Variants in CCDC73 observed in about 807,000 individuals in gnomAD.
CCDC73 encodes coiled-coil domain-containing protein 73.
CCDC73 carries 95 observed loss-of-function variants against 116.5 expected under a neutral mutation model. The observed-to-expected ratio is 0.82, with a 90% confidence interval of 0.69 to 0.97. The LOEUF (loss-of-function observed/expected upper bound fraction) is 0.97, where lower values mean the gene tolerates loss of function less well. CCDC73 is among the 50% of genes least tolerant of loss of function. The pLI is 0.00. For synonymous variants in CCDC73, 398 were observed against 401.3 expected, an observed-to-expected ratio of 0.99 and a Z score of 0.10; for missense variants, 1,066 against 1,206.8, an observed-to-expected ratio of 0.88 and a Z score of 1.73.
rs1030247526 is a variant in CCDC73 at position 32,735,276 on chromosome 11, A to G, written c.136-17129T>C. ...GATTGTATATTTAGAAAACCCCATC[A>G]TCTCAGCCCAAAATCTCCTTAAGCT... On this transcript the variant is annotated intron_variant, in intron 2 of 17. Coordinates refer to ENST00000335185, the MANE Select transcript of CCDC73 (RefSeq NM_001008391.4). Among the ~76,000 whole-genome samples, 412 of 152,282 alleles carry G rather than the reference A, an allele frequency of 2.7e-3. 1 individual carries two copies. Among genetic ancestry groups the G allele is most frequent in the South Asian group, 8.5e-3 (41 of 4,828 alleles).
At chr11:32,790,983 A>C (rs1509891) in intron 1 of CCDC73, among the ~76,000 whole-genome samples, 86,302 of 151,978 alleles carry the variant, frequency 0.57, 24,887 homozygotes, top group East Asian at 0.85. Flanking sequence ...TTCAAATATG[A>C]AACAAGAATT....
intron 3 of CCDC73, among the ~76,000 whole-genome samples, chr11:32,709,936 T>C (rs1407553532): frequency 6.6e-6 from 1 of 152,218 alleles, no homozygotes; most frequent in Non-Finnish European, 1.5e-5. Context: ...TCTAGCAGGT[T>C]TGTATATTTC....
rs114312656 is a variant in CCDC73 at position 32,687,410 on chromosome 11, A to G, written c.391-3836T>C. Among the ~76,000 whole-genome samples the G allele has an allele frequency of 3.5e-3, 536 of 152,262 alleles. 6 individuals are homozygous for G. Among genetic ancestry groups the G allele is most frequent in the African/African-American group, 0.012 (517 of 41,558 alleles). ...AGCAGGAAAAGGAGGACATCCACATAAGGAAAGAGGGGGCAGCAGAATGGT... is the reference window on the plus strand; with the variant it reads ...AGCAGGAAAAGGAGGACATCCACATGAGGAAAGAGGGGGCAGCAGAATGGT... On this transcript the variant is annotated intron_variant, in intron 6 of 17. Coordinates refer to ENST00000335185, the MANE Select transcript of CCDC73 (RefSeq NM_001008391.4).
chr11:32,790,752 TGAGA>T (rs1315561352), intron 1 of CCDC73, among the ~76,000 whole-genome samples: 1 of 152,094 alleles, frequency 6.6e-6, no homozygotes, highest in Non-Finnish European at 1.5e-5. Context: ...GTGAAGAGAT[TGAGA>T]GAATTAGATA....
the CCDC73 span, chr11:32,829,834 C>T: frequency 2.0e-6 from 2 of 985,300 alleles, no homozygotes; most frequent in South Asian, 4.7e-5. Flanking sequence ...CCGGGAGACG[C>T]CGGCCCACTG....
intron 3 of CCDC73, among the ~76,000 whole-genome samples, chr11:32,712,798 T>A (rs113927990): frequency 0.017 from 2,577 of 152,102 alleles, 75 homozygotes; most frequent in African/African-American, 0.057. Context: ...CTTCATTTTA[T>A]ATATAGCATA....
intron 9 of CCDC73, among the ~76,000 whole-genome samples, chr11:32,667,966 GCT>G (rs1208667251): frequency 2.6e-5 from 4 of 152,094 alleles, no homozygotes; most frequent in African/African-American, 9.7e-5. Flanking sequence ...TCCAATCTTG[GCT>G]CTCTTTTCCT....
the CCDC73 span, among the ~76,000 whole-genome samples, chr11:32,825,776 A>T: frequency 6.6e-6 from 1 of 152,278 alleles, no homozygotes; most frequent in African/African-American, 2.4e-5. Context: ...AAAAGGCCAA[A>T]AATTGTGTGG....
intron 4 of CCDC73, among the ~76,000 whole-genome samples, chr11:32,701,870 T>C (rs1379671733): frequency 6.6e-6 from 1 of 152,124 alleles, no homozygotes; most frequent in Non-Finnish European, 1.5e-5. Flanking sequence ...AAGATCCCCT[T>C]CTTTTAAAAA....
At chr11:32,637,437 A>C (rs1565063324) in intron 13 of CCDC73, among the ~76,000 whole-genome samples, 1 of 152,134 alleles carries the variant, frequency 6.6e-6, no homozygotes, top group Non-Finnish European at 1.5e-5. Flanking sequence ...GCAAATTAGC[A>C]AAAGGATTTT....
chr11:32,822,936 A>G, the CCDC73 span, among the ~76,000 whole-genome samples: 733 of 152,306 alleles, frequency 4.8e-3, 8 homozygotes, highest in Middle Eastern at 0.017. Context: ...GGTTCAATAC[A>G]TGCCTCAAAA....
In CCDC73 at chr11:32,760,224, G is replaced by A; in HGVS notation, c.20C>T (p.Thr7Ile). The change falls in exon 2 of 18, where the codon ACT becomes ATT. Residue 7 changes from threonine to isoleucine, a missense_variant. Thr to Ile is a moderately conservative substitution (Grantham distance 89, BLOSUM62 -1). Coordinates refer to ENST00000335185, the MANE Select transcript of CCDC73 (RefSeq NM_001008391.4). MESNFN[T>I]ESSSTFTLQS... ...AAGAGTAAAAGTAGATGATGACTCA[G>A]TATTGAAGTTGCTTTCCATATTAAT... 6.4e-7 allele frequency: 1 copy of A among 1,568,816 alleles called. No homozygotes were observed. The highest frequency in any genetic ancestry group is 8.7e-7 in the Non-Finnish European group (1 of 1,154,192).
At position 32,647,957 on chromosome 11, in the gene CCDC73, C is replaced by T. The variant is rs1386182; in HGVS notation, c.939+5166G>A. ...ACAAAATTCCTTAATATCTAACAAC[C>T]AGCCCCCACTGGCAAAAGCTGGCTC... On this transcript the variant is annotated intron_variant, in intron 12 of 17. Transcript: ENST00000335185. 7.1e-3 allele frequency among the ~76,000 whole-genome samples: 1,084 copies of T among 152,192 alleles called. 15 individuals carry two copies. Among genetic ancestry groups the T allele is most frequent in the African/African-American group, 0.025 (1,045 of 41,514 alleles).
chr11:32,639,386 C>G (rs566607303), intron 13 of CCDC73, among the ~76,000 whole-genome samples: 3 of 152,156 alleles, frequency 2.0e-5, no homozygotes, highest in Non-Finnish European at 4.4e-5. Flanking sequence ...CTTTGAAAAC[C>G]CAGTGCCTAG....
intron 12 of CCDC73, among the ~76,000 whole-genome samples, chr11:32,648,166 A>G (rs986615344): frequency 2.0e-5 from 3 of 152,216 alleles, no homozygotes; most frequent in Non-Finnish European, 4.4e-5. Context: ...TGCATACTGT[A>G]CTTCTAGAGG....
intron 1 of CCDC73, among the ~76,000 whole-genome samples, chr11:32,793,845 A>T (rs1458156155): frequency 1.3e-5 from 2 of 152,024 alleles, no homozygotes; most frequent in Admixed American, 6.6e-5. Flanking sequence ...TCCTGACCTC[A>T]GGTGATCCGC....
chr11:32,726,490 A>G (rs1850030815), intron 2 of CCDC73, among the ~76,000 whole-genome samples: 1 of 152,202 alleles, frequency 6.6e-6, no homozygotes, highest in African/African-American at 2.4e-5. Context: ...AGAAAAAAAT[A>G]GCTAGACTGA....
intron 2 of CCDC73, among the ~76,000 whole-genome samples, chr11:32,734,476 G>A (rs1256878525): frequency 6.7e-6 from 1 of 149,436 alleles, no homozygotes; most frequent in Non-Finnish European, 1.5e-5. Context: ...TTGCACAGGG[G>A]GATTTGGCAG....
chr11:32,742,536 T>C (rs953093890), intron 2 of CCDC73, among the ~76,000 whole-genome samples: 2 of 152,118 alleles, frequency 1.3e-5, no homozygotes, highest in African/African-American at 2.4e-5. Context: ...GTTTGAGTTC[T>C]TTGTAGATTC....
Sources: allele counts gnomAD v4.1 joint callset (sites outside exome capture counted in the v4.1 genomes callset), GRCh38; gene constraint gnomAD v4.1.1; transcripts MANE v1.5; gene names NCBI Gene and HGNC (gene_info 2026-07-23, HGNC 2026-07-21).